The following DLG2 variants were observed in gnomAD, a reference collection of about 807,000 sequenced individuals.
DLG2 encodes disks large homolog 2.
Under a neutral mutation model 132.5 loss-of-function variants are expected in DLG2, and 45 were observed. The ratio of observed to expected loss-of-function variants is 0.34; its 90% CI spans 0.27 to 0.44. DLG2 has a LOEUF of 0.44. Among genes scored for constraint, DLG2 ranks in the 20% least tolerant of loss-of-function variants. The probability of loss-of-function intolerance (pLI) is 1.00; values close to 1 mark genes in which losing one functional copy is unlikely to be tolerated. For missense variants in DLG2, 1,045 were observed against 1,196.9 expected (o/e 0.87, Z 1.87); for synonymous variants, 424 against 419.6 (o/e 1.01, Z -0.13).
At chr11:85,220,637 A>AAATATAT (rs371263007) in intron 4 of DLG2, among the ~76,000 whole-genome samples, 10 of 148,316 alleles carry the variant, frequency 6.7e-5, no homozygotes, top group African/African-American at 1.7e-4. Flanking sequence ...TAGAAAAAAA[A>AAATATAT]ATATATATAT....
rs538750496 is a variant in DLG2, at chr11:84,510,911, C to T, written c.519+23659G>A. 9.9e-5 allele frequency among the ~76,000 whole-genome samples: 15 copies of T among 151,936 alleles called. No individual in the cohort carries two copies. The East Asian group carries it at 2.5e-3, about 25-fold the overall frequency. Reference sequence around the variant, plus strand: ...GGGAGAAGGGAGAAGGAAGAAACTCCCCCATACAGGGACAGAGGGAGGAGG... The same window carrying T: ...GGGAGAAGGGAGAAGGAAGAAACTCTCCCATACAGGGACAGAGGGAGGAGG... On this transcript the variant is annotated intron_variant, in intron 7 of 27. Transcript: ENST00000376104.
At chr11:85,409,355 A>G (rs286040) in intron 3 of DLG2, among the ~76,000 whole-genome samples, 131,176 of 151,792 alleles carry the variant, frequency 0.86, 57,027 homozygotes, top group Middle Eastern at 0.92. Flanking sequence ...AAAGGCATCC[A>G]GAGCCACTTT....
intron 7 of DLG2, among the ~76,000 whole-genome samples, chr11:84,435,610 C>T (rs531108417): frequency 9.3e-4 from 142 of 152,258 alleles, no homozygotes; most frequent in Non-Finnish European, 1.5e-3. Flanking sequence ...GTATCTTACT[C>T]TCTGAGTAAG....
intron 6 of DLG2, among the ~76,000 whole-genome samples, chr11:84,992,700 G>T (rs948714410): frequency 6.6e-6 from 1 of 152,146 alleles, no homozygotes; most frequent in Non-Finnish European, 1.5e-5. Flanking sequence ...CTTCTTTTGA[G>T]AAGTGTCTGT....
chr11:83,722,504 G>A (rs1186610665), intron 18 of DLG2, among the ~76,000 whole-genome samples: 2 of 152,174 alleles, frequency 1.3e-5, no homozygotes, highest in African/African-American at 4.8e-5. Context: ...CTCCAACTCT[G>A]AGGAAAATGC....
At chr11:83,533,763 A>T (rs2095816481) in intron 20 of DLG2, among the ~76,000 whole-genome samples, 1 of 152,048 alleles carries the variant, frequency 6.6e-6, no homozygotes, top group South Asian at 2.1e-4. Context: ...GAGGTGACAG[A>T]CTCCTTATAA....
chr11:85,295,641 G>C (rs1446739175), intron 3 of DLG2, among the ~76,000 whole-genome samples: 1 of 151,920 alleles, frequency 6.6e-6, no homozygotes, highest in Non-Finnish European at 1.5e-5. Flanking sequence ...GAATGTTAGG[G>C]GTTAATTAAA....
intron 19 of DLG2, among the ~76,000 whole-genome samples, chr11:83,627,085 G>C (rs1341920825): frequency 6.6e-6 from 1 of 152,126 alleles, no homozygotes; most frequent in Non-Finnish European, 1.5e-5. Flanking sequence ...TGGCTTCATA[G>C]TAAATGATGA....
chr11:85,420,811 G>A (rs1428305666), intron 3 of DLG2, among the ~76,000 whole-genome samples: 1 of 152,154 alleles, frequency 6.6e-6, no homozygotes, highest in Non-Finnish European at 1.5e-5. Flanking sequence ...ATCCCAGGTT[G>A]ACTTCAGACT....
intron 3 of DLG2, among the ~76,000 whole-genome samples, chr11:85,399,601 G>C (rs967468358): frequency 6.6e-6 from 1 of 152,090 alleles, no homozygotes; most frequent in African/African-American, 2.4e-5. Context: ...CAATGGAATA[G>C]AACAGAGCCC....
At chr11:84,636,306 T>C (rs1403519478) in intron 6 of DLG2, among the ~76,000 whole-genome samples, 1 of 152,222 alleles carries the variant, frequency 6.6e-6, no homozygotes, top group Non-Finnish European at 1.5e-5. Flanking sequence ...CTAGGATTTA[T>C]ATGCTATTTA....
intron 6 of DLG2, among the ~76,000 whole-genome samples, chr11:85,090,652 A>C (rs538899121): frequency 3.9e-4 from 59 of 152,296 alleles, no homozygotes; most frequent in South Asian, 6.2e-4. Flanking sequence ...TTTTTCAATG[A>C]AGGGTAAGCT....
In DLG2 at chr11:83,523,030, G is replaced by A. The variant is rs907872129; in HGVS notation, c.2193+9678C>T. ...TGGCAATAATTACCATAGTGAGCAA[G>A]TCAGATGACTGGACATTCACTTCTG... is the stretch of plus-strand genomic sequence containing the variant. On this transcript the variant is annotated intron_variant, in intron 21 of 27. Coordinates refer to ENST00000376104, the MANE Select transcript of DLG2 (RefSeq NM_001142699.3). Among the ~76,000 whole-genome samples, 5 of 152,290 alleles carry A rather than the reference G, an allele frequency of 3.3e-5. No individual in the cohort carries two copies. In the East Asian group the frequency reaches 7.7e-4, roughly 23 times the overall value.
intron 20 of DLG2, among the ~76,000 whole-genome samples, chr11:83,537,357 AG>A (rs1240988810): frequency 6.6e-6 from 1 of 152,152 alleles, no homozygotes; most frequent in Non-Finnish European, 1.5e-5. Context: ...TATGCTCCAC[AG>A]GTCCTGTTGG....
At chr11:84,133,498 C>G (rs564888724) in intron 9 of DLG2, among the ~76,000 whole-genome samples, 200 of 152,078 alleles carry the variant, frequency 1.3e-3, no homozygotes, top group Admixed American at 1.4e-3. Flanking sequence ...GAGTTGGTTC[C>G]AAACCACATA....
intron 6 of DLG2, among the ~76,000 whole-genome samples, chr11:84,820,121 G>T (rs1004167162): frequency 1.3e-5 from 2 of 150,778 alleles, no homozygotes; most frequent in African/African-American, 4.9e-5. Context: ...AAATACAACT[G>T]CAATTAAGGC....
At chr11:84,490,111 C>T (rs1383032570) in intron 7 of DLG2, among the ~76,000 whole-genome samples, 2 of 152,066 alleles carry the variant, frequency 1.3e-5, no homozygotes, top group Admixed American at 6.6e-5. Flanking sequence ...AAGCTCATTC[C>T]CAGCTCTATG....
intron 11 of DLG2, among the ~76,000 whole-genome samples, chr11:84,050,651 G>A (rs370458856): frequency 6.6e-6 from 1 of 152,036 alleles, no homozygotes; most frequent in East Asian, 1.9e-4. Flanking sequence ...ATGGTTTTAG[G>A]TCTAACATTT....
At chr11:85,037,152 G>A (rs962575961) in intron 6 of DLG2, among the ~76,000 whole-genome samples, 3 of 152,146 alleles carry the variant, frequency 2.0e-5, no homozygotes, top group Admixed American at 6.5e-5. Flanking sequence ...GTTTTACTAT[G>A]CATCCACATG....
Sources: gnomAD v4.1 joint callset for allele counts (sites outside exome capture counted in the v4.1 genomes callset) on GRCh38, gnomAD v4.1.1 for gene constraint, MANE v1.5 for transcripts, NCBI Gene and HGNC (gene_info 2026-07-23, HGNC 2026-07-21) for gene names.